The following TCL1B variants were observed in gnomAD, a reference collection of about 807,000 sequenced individuals.
The protein encoded by TCL1B is T-cell leukemia/lymphoma protein 1B.
Under a neutral mutation model 16.9 loss-of-function variants are expected in TCL1B, and 14 were observed. The ratio of observed to expected loss-of-function variants is 0.83; its 90% CI spans 0.55 to 1.30. The LOEUF is 1.30. Ranked by LOEUF, TCL1B falls within the 50% of genes most tolerant of loss-of-function variation. The pLI, the probability that TCL1B is intolerant of heterozygous loss-of-function variation, is 0.00. For synonymous variants in TCL1B, 79 were observed against 66.6 expected (o/e 1.19, Z -0.91); for missense variants, 166 against 165.2 (o/e 1.00, Z -0.03).
chr14:95,690,880 T>G lies in TCL1B; in HGVS notation c.307T>G (p.Phe103Val). 6.2e-7 allele frequency: 1 copy of G among 1,614,124 alleles called. No individual in the cohort carries two copies. Among genetic ancestry groups the G allele is most frequent in the East Asian group, 2.2e-5 (1 of 44,880 alleles). ...GAAGTACCGAGCAGCGGATTCCAGT[T>G]TCTGGGAAATAGCAGACCATGGCCA... ...GRKYRAADSSFWEIADHGQID... is the reference protein window; with the variant it reads ...GRKYRAADSSVWEIADHGQID... The change falls in exon 2 of 4, where the codon TTC (phenylalanine) becomes GTC (valine). Residue 103 changes from phenylalanine (F) to valine (V), a missense_variant. By Grantham distance (50) the Phe-to-Val change is conservative. Transcript: ENST00000340722.
Position 95,692,237 on chromosome 14 carries a change from C to G in TCL1B, c.*322C>G, listed in dbSNP as rs1885901820. On this transcript the variant is annotated 3_prime_UTR_variant, in exon 4 of 4. Coordinates refer to ENST00000340722, the MANE Select transcript of TCL1B (RefSeq NM_004918.4). ...TCTCCTCTGTGCCCCTCATGCTGATCTTCTAGATGCCACTCCCAAATCCCC... is the reference window on the plus strand; with the variant it reads ...TCTCCTCTGTGCCCCTCATGCTGATGTTCTAGATGCCACTCCCAAATCCCC... 6.6e-6 allele frequency: 1 copy of G among 152,462 alleles called. No homozygotes were observed. The highest frequency in any genetic ancestry group is 1.5e-5 in the Non-Finnish European group (1 of 68,270). The allele number at this position is 152,462 out of a possible 1,614,324, so 9.4% of individuals were successfully genotyped here.
chr14:95,691,957 C>G lies in TCL1B; in HGVS notation c.*42C>G, dbSNP rs1391821527. 2.6e-5 allele frequency: 4 copies of G among 152,676 alleles called. No homozygotes were observed. The highest frequency in any genetic ancestry group is 6.5e-5 in the Admixed American group (1 of 15,318). The allele number at this position is 152,676 out of a possible 1,614,324, so 9.5% of individuals were successfully genotyped here. A position where few individuals can be genotyped will look rare whatever the true frequency, so the allele number is the denominator to read the frequency against. On this transcript the variant is annotated 3_prime_UTR_variant, in exon 4 of 4. Coordinates refer to ENST00000340722, the MANE Select transcript of TCL1B (RefSeq NM_004918.4). ...CCCTGCTGGCCCTGCCTCTTCTGGCCTGGTGTCTCCTCATGCCCCCTCAGT... is the reference window on the plus strand; with the variant it reads ...CCCTGCTGGCCCTGCCTCTTCTGGCGTGGTGTCTCCTCATGCCCCCTCAGT...
intron 1 of TCL1B, among the ~76,000 whole-genome samples, chr14:95,688,465 G>T (rs1039153222): frequency 6.6e-6 from 1 of 152,212 alleles, no homozygotes; most frequent in Non-Finnish European, 1.5e-5. Flanking sequence ...CTGAAAAAGT[G>T]TTAATGGAGG....
chr14:95,686,734 G>C, intron 1 of TCL1B, 105 bp downstream of exon 1: 14 of 1,340,970 alleles, frequency 1.0e-5, no homozygotes, highest in African/African-American at 1.5e-5. Flanking sequence ...ACCCGCACTG[G>C]AAAACTCACT....
In TCL1B at chr14:95,690,784, C is replaced by G. The variant is rs28625553; in HGVS notation, c.211C>G (p.Arg71Gly). Residue 71 changes from arginine (R) to glycine (G), a missense_variant, in exon 2 of 4, where the codon CGG becomes GGG. Physicochemically the swap from Arg to Gly is moderately radical, Grantham distance 125. Transcript: ENST00000340722. ...CTTGTGGCAGATGGCAGTGCATACC[C>G]GGGAGCTACTCTCCTCCGGCCAGAT... Reference protein sequence around the residue: ...VHLWQMAVHTRELLSSGQMPF... With the variant: ...VHLWQMAVHTGELLSSGQMPF... 1 of 1,614,216 alleles carries G rather than the reference C, an allele frequency of 6.2e-7. No homozygotes were observed. Among genetic ancestry groups the G allele is most frequent in the Non-Finnish European group, 8.5e-7 (1 of 1,180,034 alleles).
chr14:95,691,391 C>A, intron 3 of TCL1B, 55 bp downstream of exon 3: 1 of 1,536,984 alleles, frequency 6.5e-7, no homozygotes, highest in South Asian at 1.2e-5. Context: ...GTGAGAAGAC[C>A]TCTCCTCTTT....
intron 2 of TCL1B, 21 bp downstream of exon 2, chr14:95,690,927 G>A (rs1885872253): frequency 1.2e-6 from 2 of 1,607,802 alleles, no homozygotes; most frequent in Non-Finnish European, 1.7e-6. Flanking sequence ...GGTGGTTCTA[G>A]GTGAAAGCGA....
chr14:95,690,290 C>T (rs1159927852), intron 1 of TCL1B, among the ~76,000 whole-genome samples: 2 of 152,356 alleles, frequency 1.3e-5, no homozygotes, highest in East Asian at 3.9e-4. Context: ...GCATAAGCCA[C>T]TGCTCCCAGC....
At chr14:95,686,758 AGGAGCGCAGCAATGTCCAT>A (rs1164030823) in intron 1 of TCL1B, 129 bp downstream of exon 1, 1 of 1,168,618 alleles carries the variant, frequency 8.6e-7, no homozygotes, top group Non-Finnish European at 1.2e-6. Flanking sequence ...GTGCAGGTCT[AGGAGCGCAGCAATGTCCAT>A]GCCCAGCCCT....
chr14:95,691,378 A>C (rs1377577947), intron 3 of TCL1B, 42 bp downstream of exon 3: 1 of 1,581,474 alleles, frequency 6.3e-7, no homozygotes, highest in Non-Finnish European at 8.6e-7. Context: ...GGATCAGACG[A>C]AAGTGAGAAG....
chr14:95,686,650 G>A (rs761766175), intron 1 of TCL1B, 21 bp downstream of exon 1: 49 of 1,590,954 alleles, frequency 3.1e-5, no homozygotes, highest in Non-Finnish European at 4.0e-5. Flanking sequence ...GGCACGAGGG[G>A]AGGCTGTGGG....
intron 1 of TCL1B, among the ~76,000 whole-genome samples, chr14:95,690,130 G>A (rs1319054316): frequency 6.6e-6 from 1 of 152,194 alleles, no homozygotes; most frequent in African/African-American, 2.4e-5. Flanking sequence ...AGCTTCCCGA[G>A]TAGCTGGGAC....
At chr14:95,689,754 A>G (rs1885841973) in intron 1 of TCL1B, among the ~76,000 whole-genome samples, 1 of 152,262 alleles carries the variant, frequency 6.6e-6, no homozygotes, top group African/African-American at 2.4e-5. Flanking sequence ...AATTTAAAAT[A>G]CTTCTCTTTG....
chr14:95,689,794 G>A (rs1743529), intron 1 of TCL1B, among the ~76,000 whole-genome samples: 148,242 of 152,366 alleles, frequency 0.97, 72,338 homozygotes, highest in Middle Eastern at 1. Context: ...AAGTGAGGAC[G>A]ACAAACTGAG....
chr14:95,686,698 G>C, intron 1 of TCL1B, 69 bp downstream of exon 1: 1 of 1,496,734 alleles, frequency 6.7e-7, no homozygotes, highest in Non-Finnish European at 8.9e-7. Flanking sequence ...GTGGGACCGC[G>C]GTGGGGGTCA....
At chr14:95,690,639 C>T in intron 1 of TCL1B, 97 bp from the exon 2 acceptor site, 1 of 1,366,376 alleles carries the variant, frequency 7.3e-7, no homozygotes, top group Non-Finnish European at 1.0e-6. Flanking sequence ...AAAACATTTA[C>T]CTCTGACCCT....
intron 1 of TCL1B, among the ~76,000 whole-genome samples, chr14:95,689,603 G>C (rs1885839531): frequency 6.6e-6 from 1 of 152,182 alleles, no homozygotes; most frequent in African/African-American, 2.4e-5. Flanking sequence ...GCAGCTAAAG[G>C]CAACGGTAAA....
intron 1 of TCL1B, chr14:95,689,337 A>G (rs1405214311): frequency 6.7e-6 from 1 of 150,078 alleles, no homozygotes; most frequent in Non-Finnish European, 1.5e-5. Flanking sequence ...TTTTTTTTTT[A>G]AATGATTCAG....
At chr14:95,691,673 A>C in intron 3 of TCL1B, 1 of 232,276 alleles carries the variant, frequency 4.3e-6, no homozygotes. Context: ...CCATACAGCC[A>C]GGAAATAGCG....
Sources: gnomAD v4.1 joint callset for allele counts (sites outside exome capture counted in the v4.1 genomes callset) on GRCh38, gnomAD v4.1.1 for gene constraint, MANE v1.5 for transcripts, NCBI Gene and HGNC (gene_info 2026-07-23, HGNC 2026-07-21) for gene names.